EVC2: variants seen among roughly 807,000 people sequenced by gnomAD.
EVC2 encodes limbin.
A neutral mutation model predicts 149.3 loss-of-function variants in EVC2; 148 were observed. The observed-to-expected ratio is 0.99, with a 90% CI of 0.87 to 1.14. EVC2 has a LOEUF of 1.14. Ranked by LOEUF, EVC2 falls within the 50% of genes most tolerant of loss-of-function variation. EVC2 has a pLI of 0.00. For synonymous variants in EVC2, 776 were observed against 649.9 expected, an observed-to-expected ratio of 1.19 and a Z score of -2.95; for missense variants, 1,854 against 1,627.3, an observed-to-expected ratio of 1.14 and a Z score of -2.40.
intron 17 of EVC2, among the ~76,000 whole-genome samples, chr4:5,581,918 C>T (rs1711835763): frequency 6.6e-6 from 1 of 152,256 alleles, no homozygotes; most frequent in Non-Finnish European, 1.5e-5. Context: ...AAGATGCAAA[C>T]TGTAAGCCTT....
chr4:5,671,434 C>G (rs1719642289), intron 7 of EVC2, among the ~76,000 whole-genome samples: 3 of 152,240 alleles, frequency 2.0e-5, no homozygotes, highest in Admixed American at 1.3e-4. Context: ...GGCCAAAAGC[C>G]TTCCTAATCC....
At position 5,625,866 on chromosome 4, in the gene EVC2, C is replaced by G. The variant is rs151063193; in HGVS notation, c.1929G>C (p.Glu643Asp). 3.7e-5 allele frequency: 60 copies of G among 1,614,102 alleles called. No homozygotes were observed. The African/African-American group carries it at 6.5e-4, about 18-fold the overall frequency. ...LDEDQMEMLL[E>D]RAQTEVFSIK... ...TTGAAAAGACTTCTGTCTGAGCCCG[C>G]TCCAATAGCATTTCCATTTGGTCTT... The change falls in exon 13 of 22, where the codon GAG becomes GAC. Residue 643 changes from glutamate to aspartate, a missense_variant. Transcript: ENST00000344408. The surrounding 1 kb of genome is among the most constrained non-coding windows in gnomAD (Gnocchi z 4.0).
chr4:5,626,114 C>A (rs1716091246), intron 12 of EVC2, among the ~76,000 whole-genome samples: 1 of 152,050 alleles, frequency 6.6e-6, no homozygotes, highest in Non-Finnish European at 1.5e-5. Context: ...ACAAGAGAGA[C>A]ATCATTAGGG....
rs749834951 is a variant in EVC2, at chr4:5,689,288, G to C, written c.575C>G (p.Thr192Ser). The C allele has an allele frequency of 4.3e-6, 7 of 1,614,156 alleles. No homozygotes were observed. Among genetic ancestry groups the C allele is most frequent in the Middle Eastern group, 1.6e-4 (1 of 6,062 alleles). Residue 192 changes from threonine to serine, a missense_variant, in exon 5 of 22, where the codon ACC becomes AGC. By Grantham distance (58) the Thr-to-Ser change is moderately conservative. Transcript: ENST00000344408. ...GAGGTTGGCTGACGAGGTTGTCTTG[G>C]TGTTGTTAACAAGCAGCCATATGCG... ...TARIWLLVNN[T>S]KTTSSANLSE...
chr4:5,640,772 C>A lies in EVC2; in HGVS notation c.1212G>T (p.Lys404Asn). Residue 404 changes from lysine to asparagine, a missense_variant, in exon 10 of 22, where the codon AAG (lysine) becomes AAT (asparagine). Physicochemically the swap from Lys to Asn is moderately conservative, Grantham distance 94 (BLOSUM62 0). Transcript: ENST00000344408. This position sits in a 1 kb window ranked among gnomAD's most constrained non-coding sequence, Gnocchi z 4.6. ...TTTTCAGCAGAAGGGCAATGATATC[C>A]TTGCTGATTTGTGTTCGACAAGCCT... is the stretch of plus-strand genomic sequence containing the variant. Reference protein sequence around the residue: ...DLEACRTQISKDIIALLLKNL... With the variant: ...DLEACRTQISNDIIALLLKNL... 6.2e-7 allele frequency: 1 copy of A among 1,614,134 alleles called. No homozygotes were observed. The highest frequency in any genetic ancestry group is 8.5e-7 in the Non-Finnish European group (1 of 1,180,016).
chr4:5,698,514 C>T (rs140358424), intron 1 of EVC2, among the ~76,000 whole-genome samples: 87 of 152,342 alleles, frequency 5.7e-4, no homozygotes, highest in African/African-American at 2.0e-3. Flanking sequence ...TTTGTCTAAA[C>T]TGAGCCTGGC....
chr4:5,572,856 C>A (rs112960813), intron 19 of EVC2, among the ~76,000 whole-genome samples: 1 of 152,132 alleles, frequency 6.6e-6, no homozygotes, highest in African/African-American at 2.4e-5. Flanking sequence ...GAGACATAGG[C>A]CGGGGTGGTC....
At chr4:5,617,655 A>T (rs1411524960) in intron 15 of EVC2, among the ~76,000 whole-genome samples, 1 of 152,188 alleles carries the variant, frequency 6.6e-6, no homozygotes, top group Non-Finnish European at 1.5e-5. Flanking sequence ...GTAATTTTAG[A>T]CAGGTGCTCA....
rs527666157 is a variant in EVC2 at position 5,618,377 on chromosome 4, G to A, written c.2706+101C>T. ...GAGAGGAGAGGATAGGGGAGCATGAGGTGAGATGGGCTCAGGCTGGGGAAG... is the reference window on the plus strand; with the variant it reads ...GAGAGGAGAGGATAGGGGAGCATGAAGTGAGATGGGCTCAGGCTGGGGAAG... On this transcript the variant is annotated intron_variant, in intron 15 of 21. Coordinates refer to ENST00000344408, the MANE Select transcript of EVC2 (RefSeq NM_147127.5). This position sits in a 1 kb window ranked among gnomAD's most constrained non-coding sequence, Gnocchi z 4.4. 2.3e-6 allele frequency: 3 copies of A among 1,323,922 alleles called. No homozygotes were observed. The highest frequency in any genetic ancestry group is 1.8e-5 in the Admixed American group (1 of 56,096). 82.0% of individuals were successfully genotyped at this position (1,323,922 alleles called of 1,614,324 possible).
Position 5,633,728 on chromosome 4 carries a change from C to T in EVC2, c.1471-1696G>A, listed in dbSNP as rs1026558337. On this transcript the variant is annotated intron_variant, in intron 10 of 21. Coordinates refer to ENST00000344408, the MANE Select transcript of EVC2 (RefSeq NM_147127.5). The surrounding 1 kb of genome is among the most constrained non-coding windows in gnomAD (Gnocchi z 4.4). ...AGCCCGAGGAAGGCAGAAGGGGCTC[C>T]GGTGCACAGGGCAAAGGCCAGAGCT... Among the ~76,000 whole-genome samples, 4 of 152,214 alleles carry T rather than the reference C, an allele frequency of 2.6e-5. No individual in the cohort carries two copies. The highest frequency in any genetic ancestry group is 2.1e-4 in the South Asian group (1 of 4,834).
intron 18 of EVC2, among the ~76,000 whole-genome samples, chr4:5,575,839 T>A (rs1722892085): frequency 6.6e-6 from 1 of 152,206 alleles, no homozygotes; most frequent in African/African-American, 2.4e-5. Flanking sequence ...ATGCTTATGG[T>A]GAAATTGCAA....
chr4:5,694,391 G>T lies in EVC2; in HGVS notation c.394C>A (p.Pro132Thr), dbSNP rs141576990. The change falls in exon 3 of 22, where the codon CCC becomes ACC. Residue 132 changes from proline (P) to threonine (T), a missense_variant. Coordinates refer to ENST00000344408, the MANE Select transcript of EVC2 (RefSeq NM_147127.5). ...PWAHSLFAFI[P>T]SWPKKNLFKR... Reference sequence around the variant, plus strand: ...AATAAGTTCTTCTTAGGCCAGGAGGGTATAAAAGCAAATAAGGAATGAGCC... The same window carrying T: ...AATAAGTTCTTCTTAGGCCAGGAGGTTATAAAAGCAAATAAGGAATGAGCC... The T allele has an allele frequency of 5.0e-6, 8 of 1,614,022 alleles. No individual in the cohort carries two copies. In the African/African-American group the frequency reaches 8.0e-5, roughly 16 times the overall value.
intron 16 of EVC2, among the ~76,000 whole-genome samples, chr4:5,595,515 T>C (rs1443995863): frequency 5.3e-5 from 8 of 152,042 alleles, no homozygotes; most frequent in African/African-American, 9.7e-5. Context: ...GACAAGCAAA[T>C]GCTGAGAGAT....
chr4:5,625,925 T>C lies in EVC2; in HGVS notation c.1887-17A>G. On this transcript the variant is annotated splice_polypyrimidine_tract_variant and intron_variant, in intron 12 of 21. Transcript: ENST00000344408. This position sits in a 1 kb window ranked among gnomAD's most constrained non-coding sequence, Gnocchi z 4.0. ...TACCCTGCTCTAGATGGAAAGGATG[T>C]AAAGTTAGGAATGTGGTCTCCAAAC... 1 of 1,613,692 alleles carries C rather than the reference T, an allele frequency of 6.2e-7. No individual in the cohort carries two copies. Among genetic ancestry groups the C allele is most frequent in the South Asian group, 1.1e-5 (1 of 91,062 alleles).
In EVC2 at chr4:5,556,441, G is replaced by A. The variant is rs563455600; in HGVS notation, c.3419+8817C>T. 2.1e-4 allele frequency among the ~76,000 whole-genome samples: 32 copies of A among 151,984 alleles called. No homozygotes were observed. In the South Asian group the frequency reaches 6.6e-3, roughly 32 times the overall value. On this transcript the variant is annotated intron_variant and NMD_transcript_variant, in intron 21 of 22. Coordinates refer to the EVC2 transcript ENST00000475313. ...CAATTTGTATAATGCAGTTAAAGTAGTGCCTAAAGGGAAATTTATACTATT... is the reference window on the plus strand; with the variant it reads ...CAATTTGTATAATGCAGTTAAAGTAATGCCTAAAGGGAAATTTATACTATT...
At chr4:5,630,933 A>G (rs1716486863) in intron 11 of EVC2, among the ~76,000 whole-genome samples, 1 of 152,240 alleles carries the variant, frequency 6.6e-6, no homozygotes, top group African/African-American at 2.4e-5. Flanking sequence ...CACCAGTGAC[A>G]GCGCTGGAGC....
chr4:5,578,838 G>T (rs555037442), intron 17 of EVC2, among the ~76,000 whole-genome samples: 23 of 152,128 alleles, frequency 1.5e-4, no homozygotes, highest in Non-Finnish European at 3.2e-4. Flanking sequence ...CGGGATGGAG[G>T]GTTACGGGAG....
Position 5,628,720 on chromosome 4 carries a change from C to T in EVC2, c.1725G>A (p.Glu575=). ...NYSKIQENVE[E]LMDFFQASKR... Reference sequence around the variant, plus strand: ...TACTAGCCTGGAAAAAGTCCATTAACTCTTCTACATTCTCCTGTCAATTAA... The same window carrying T: ...TACTAGCCTGGAAAAAGTCCATTAATTCTTCTACATTCTCCTGTCAATTAA... Residue 575 remains glutamate (E), a synonymous_variant, in exon 12 of 22, where the codon GAG becomes GAA. Coordinates refer to ENST00000344408, the MANE Select transcript of EVC2 (RefSeq NM_147127.5). 6.2e-7 allele frequency: 1 copy of T among 1,610,360 alleles called. No homozygotes were observed.
Position 5,640,207 on chromosome 4 carries a change from A to G in EVC2, c.1470+307T>C, listed in dbSNP as rs1490186130. On this transcript the variant is annotated intron_variant, in intron 10 of 21. Transcript: ENST00000344408. The surrounding 1 kb of genome is among the most constrained non-coding windows in gnomAD (Gnocchi z 4.6). Reference sequence around the variant, plus strand: ...AGTAGGTGGATGAACAGACAGATGGATGTGTAGATGGACAGATGGGTGAAT... The same window carrying G: ...AGTAGGTGGATGAACAGACAGATGGGTGTGTAGATGGACAGATGGGTGAAT... 6.6e-6 allele frequency among the ~76,000 whole-genome samples: 1 copy of G among 151,974 alleles called. No homozygotes were observed.
Sources: allele counts gnomAD v4.1 joint callset (sites outside exome capture counted in the v4.1 genomes callset), GRCh38; gene constraint gnomAD v4.1.1; non-coding constraint Gnocchi (gnomAD v3.1); transcripts MANE v1.5; gene names NCBI Gene and HGNC (gene_info 2026-07-23, HGNC 2026-07-21).